The following CACNA1D variants were observed in gnomAD, a reference collection of about 807,000 sequenced individuals.
CACNA1D encodes calcium voltage-gated channel subunit alpha1 D, also known as voltage-dependent L-type calcium channel subunit alpha-1D.
Under a neutral mutation model 257.1 loss-of-function variants are expected in CACNA1D, and 55 were observed. The ratio of observed to expected loss-of-function variants is 0.21; its 90% CI spans 0.17 to 0.27. CACNA1D has a LOEUF of 0.27. CACNA1D is among the 10% of genes least tolerant of loss of function. The pLI is 1.00. For missense variants in CACNA1D, 1,876 were observed against 2,784.0 expected (o/e 0.67, Z 7.34); for synonymous variants, 980 against 1,014.9 (o/e 0.97, Z 0.65).
In CACNA1D at chr3:53,660,241, G is replaced by T. The variant is rs372345315; in HGVS notation, c.732G>T (p.Val244=). The change falls in exon 5 of 48, where the codon GTG becomes GTT. Residue 244 remains valine (V), a synonymous_variant. Transcript: ENST00000350061. ...FDVKALRAFR[V]LRPLRLVSGV... ...TCAAAGCCCTCCGTGCCTTTCGAGT[G>T]TTGCGACCACTTCGACTAGTGTCAG... is the stretch of plus-strand genomic sequence containing the variant. The T allele has an allele frequency of 4.8e-5, 78 of 1,613,996 alleles. No individual in the cohort carries two copies. The highest frequency in any genetic ancestry group is 6.4e-5 in the Non-Finnish European group (75 of 1,179,990).
intron 3 of CACNA1D, among the ~76,000 whole-genome samples, chr3:53,628,685 A>C (rs2093787528): frequency 6.6e-6 from 1 of 152,212 alleles, no homozygotes; most frequent in Admixed American, 6.5e-5. Flanking sequence ...CCTCCAGACA[A>C]AGCTGAGCGC....
At chr3:53,579,559 G>A (rs1230781516) in intron 3 of CACNA1D, among the ~76,000 whole-genome samples, 1 of 152,176 alleles carries the variant, frequency 6.6e-6, no homozygotes, top group Admixed American at 6.5e-5. Flanking sequence ...AATTTACTGA[G>A]GGAATTGTTG....
chr3:53,565,273 T>G (rs1019811943), intron 3 of CACNA1D, among the ~76,000 whole-genome samples: 4 of 152,166 alleles, frequency 2.6e-5, no homozygotes, highest in African/African-American at 9.7e-5. Context: ...TATCAGCAGA[T>G]TCTTGGAAAG....
intron 9 of CACNA1D, among the ~76,000 whole-genome samples, chr3:53,712,163 C>T (rs909331030): frequency 6.6e-6 from 1 of 152,308 alleles, no homozygotes; most frequent in African/African-American, 2.4e-5. Context: ...CAGGCTTGGG[C>T]CTTGTGATTC....
intron 3 of CACNA1D, among the ~76,000 whole-genome samples, chr3:53,621,661 G>C (rs2108041258): frequency 6.6e-6 from 1 of 152,314 alleles, no homozygotes; most frequent in Middle Eastern, 3.4e-3. Flanking sequence ...ATCAAAAGAT[G>C]CTGTTAAGAA....
At position 53,718,695 on chromosome 3, in the gene CACNA1D, C is replaced by T. The variant is rs779984550; in HGVS notation, c.1478+307C>T. On this transcript the variant is annotated intron_variant, in intron 10 of 47. Coordinates refer to ENST00000350061, the MANE Select transcript of CACNA1D (RefSeq NM_001128840.3). ...TGTGTCCATTAGGTGCTGGTGGAGA[C>T]GGAGAGGCGCGGCCAAGGCGGGGCC... 27 of 1,557,046 alleles carry T rather than the reference C, an allele frequency of 1.7e-5. No individual in the cohort carries two copies. Among genetic ancestry groups the T allele is most frequent in the Admixed American group, 9.7e-5 (5 of 51,746 alleles).
chr3:53,753,783 C>G (rs2108892662), intron 29 of CACNA1D, 101 bp downstream of exon 29: 1 of 767,812 alleles, frequency 1.3e-6, no homozygotes, highest in East Asian at 2.6e-5. Context: ...CTAAAGTGTT[C>G]TGGCCGCTAA....
At chr3:53,572,551 C>T (rs1464295128) in intron 3 of CACNA1D, among the ~76,000 whole-genome samples, 1 of 152,066 alleles carries the variant, frequency 6.6e-6, no homozygotes, top group East Asian at 1.9e-4. Flanking sequence ...AGGCATGTGC[C>T]ACCATGCCCA....
chr3:53,577,643 C>G (rs150089580), intron 3 of CACNA1D, among the ~76,000 whole-genome samples: 17 of 152,146 alleles, frequency 1.1e-4, no homozygotes, highest in Non-Finnish European at 2.2e-4. Flanking sequence ...CCCACAGAAA[C>G]GGAGGTTCTC....
rs761898369 is a variant in CACNA1D at position 53,810,027 on chromosome 3, C to T, written c.5921C>T (p.Pro1974Leu). 21 of 1,614,004 alleles carry T rather than the reference C, an allele frequency of 1.3e-5. No individual in the cohort carries two copies. The highest frequency in any genetic ancestry group is 8.8e-5 in the South Asian group (8 of 91,076). The change falls in exon 47 of 48, where the codon CCG (proline) becomes CTG (leucine). Residue 1974 changes from proline to leucine, a missense_variant. Around this residue, in one of 10 missense-constraint regions of CACNA1D, gnomAD observed 491 missense variants for 554.3 expected, o/e 0.89. Transcript: ENST00000350061. ...LDSSKAQKYSPSHSTRSWATP... is the reference protein window; with the variant it reads ...LDSSKAQKYSLSHSTRSWATP... ...TCAAGTAAAGCCCAGAAGTACTCAC[C>T]GAGTCACTCGACCCGGTCGTGGGCC...
chr3:53,803,090 A>G (rs2095544204), intron 43 of CACNA1D, among the ~76,000 whole-genome samples: 1 of 152,166 alleles, frequency 6.6e-6, no homozygotes, highest in Non-Finnish European at 1.5e-5. Flanking sequence ...CTGGGAACCC[A>G]GGGTCTTTTT....
At chr3:53,611,489 G>A (rs116535016) in intron 3 of CACNA1D, among the ~76,000 whole-genome samples, 2,269 of 152,166 alleles carry the variant, frequency 0.015, 15 homozygotes, top group Non-Finnish European at 0.024. Context: ...CAGTTTTTGG[G>A]TACTTGATTT....
At chr3:53,625,912 C>G (rs6786894) in intron 3 of CACNA1D, among the ~76,000 whole-genome samples, 36,024 of 152,020 alleles carry the variant, frequency 0.24, 7,637 homozygotes, top group African/African-American at 0.57. Flanking sequence ...GTCATGTGGT[C>G]CAACTTTCTG....
rs551121840 is a variant in CACNA1D, at chr3:53,686,955, G to C, written c.1220+13829G>C. 4.6e-5 allele frequency among the ~76,000 whole-genome samples: 7 copies of C among 152,126 alleles called. No homozygotes were observed. The South Asian group carries it at 1.2e-3, about 27-fold the overall frequency. On this transcript the variant is annotated intron_variant, in intron 8 of 47. Coordinates refer to ENST00000350061, the MANE Select transcript of CACNA1D (RefSeq NM_001128840.3). Reference sequence around the variant, plus strand: ...GTATAGCAGGGTGACAGGATACAAAGTCAGTATACAAAATTCCATTTTATT... The same window carrying C: ...GTATAGCAGGGTGACAGGATACAAACTCAGTATACAAAATTCCATTTTATT...
chr3:53,510,517 G>T (rs1006943493), intron 3 of CACNA1D, among the ~76,000 whole-genome samples: 14 of 152,194 alleles, frequency 9.2e-5, no homozygotes, highest in African/African-American at 3.4e-4. Flanking sequence ...ATGCTGCATT[G>T]AATATCCTTT....
chr3:53,543,336 G>C (rs1457474607), intron 3 of CACNA1D, among the ~76,000 whole-genome samples: 1 of 152,066 alleles, frequency 6.6e-6, no homozygotes. Flanking sequence ...AACCCATTTC[G>C]GGAGTAAACC....
chr3:53,662,448 T>C (rs780069150), intron 5 of CACNA1D, among the ~76,000 whole-genome samples: 1 of 152,212 alleles, frequency 6.6e-6, no homozygotes, highest in Non-Finnish European at 1.5e-5. Flanking sequence ...TCTCTTTCCC[T>C]GTCCTTCCGT....
chr3:53,537,636 G>A (rs931432627), intron 3 of CACNA1D, among the ~76,000 whole-genome samples: 25 of 152,140 alleles, frequency 1.6e-4, no homozygotes, highest in African/African-American at 6.0e-4. Context: ...TCTTTTAAAT[G>A]TCATAGTTTA....
At chr3:53,672,816 G>A (rs1038909065) in intron 7 of CACNA1D, among the ~76,000 whole-genome samples, 2 of 107,382 alleles carry the variant, frequency 1.9e-5, no homozygotes, top group Non-Finnish European at 3.8e-5. Flanking sequence ...GTGTGTGTGT[G>A]TGTATGGATG....
Sources: allele counts gnomAD v4.1 joint callset (sites outside exome capture counted in the v4.1 genomes callset), GRCh38; gene constraint gnomAD v4.1.1; regional missense constraint gnomAD v4.1.1; transcripts MANE v1.5; gene names NCBI Gene and HGNC (gene_info 2026-07-23, HGNC 2026-07-21).